Variants in ZC3H11A observed in about 807,000 individuals in gnomAD.
The protein encoded by ZC3H11A is zinc finger CCCH-type containing 11A.
In ZC3H11A, 22 loss-of-function variants were observed where a neutral mutation model predicts 90.8. The ratio of observed to expected loss-of-function variants is 0.24; its 90% CI spans 0.17 to 0.35. The LOEUF (loss-of-function observed/expected upper bound fraction) is 0.35. Among genes scored for constraint, ZC3H11A ranks in the 10% least tolerant of loss-of-function variants. ZC3H11A has a pLI of 1.00. For missense variants in ZC3H11A, 701 were observed against 964.9 expected, an observed-to-expected ratio of 0.73 and a Z score of 3.62; for synonymous variants, 294 against 339.8, an observed-to-expected ratio of 0.87 and a Z score of 1.48.
intron 15 of ZC3H11A, chr1:203,850,254 T>G (rs1688946035): frequency 3.1e-6 from 2 of 649,584 alleles, no homozygotes; most frequent in East Asian, 5.5e-5. Flanking sequence ...CTTTCTATGG[T>G]GCATCTTTCC....
At chr1:203,799,689 C>T (rs541958254) in intron 1 of ZC3H11A, 3 of 711,512 alleles carry the variant, frequency 4.2e-6, no homozygotes, top group Non-Finnish European at 7.6e-6. Flanking sequence ...ACTCCTTTCC[C>T]TGCAGAAACT....
chr1:203,830,018 GT>G, intron 7 of ZC3H11A, 104 bp from the exon 8 acceptor site: 1 of 1,310,084 alleles, frequency 7.6e-7, no homozygotes, highest in Non-Finnish European at 1.1e-6. Context: ...CCTATACTTA[GT>G]TTCTGTTGAT....
intron 9 of ZC3H11A, among the ~76,000 whole-genome samples, 185 bp downstream of exon 9, chr1:203,831,956 C>T (rs1682515330): frequency 6.6e-6 from 1 of 152,200 alleles, no homozygotes. Flanking sequence ...AATTCTTTGT[C>T]AAGCAGCCCT....
intron 2 of ZC3H11A, among the ~76,000 whole-genome samples, chr1:203,815,653 T>G (rs1676133554): frequency 6.6e-6 from 1 of 152,212 alleles, no homozygotes; most frequent in Admixed American, 6.5e-5. Context: ...GGTACATGTT[T>G]AGTACCCATG....
rs370564258 is a variant in ZC3H11A, at chr1:203,828,257, T to C, written c.175-42T>C. ...ACAAACTGCCACATGAATATACGTATCACTGTTTTATTTGAAAGCAATGTG... is the reference window on the plus strand; with the variant it reads ...ACAAACTGCCACATGAATATACGTACCACTGTTTTATTTGAAAGCAATGTG... On this transcript the variant is annotated intron_variant, in intron 4 of 17. Transcript: ENST00000367210. 4.3e-6 allele frequency: 7 copies of C among 1,612,096 alleles called. No homozygotes were observed. In the African/African-American group the frequency reaches 9.3e-5, roughly 22 times the overall value.
chr1:203,806,111 CT>C (rs1417796740), intron 2 of ZC3H11A: 1 of 499,082 alleles, frequency 2.0e-6, no homozygotes, highest in Non-Finnish European at 4.0e-6. Flanking sequence ...GTAGGACCCC[CT>C]CTCATCTTGA....
In ZC3H11A at chr1:203,826,765, T is replaced by G. The variant is rs543553104; in HGVS notation, c.175-1534T>G. Among the ~76,000 whole-genome samples the G allele has an allele frequency of 3.9e-5, 6 of 152,354 alleles. 1 individual carries two copies. In the South Asian group the frequency reaches 1.2e-3, roughly 32 times the overall value. On this transcript the variant is annotated intron_variant, in intron 4 of 17. Coordinates refer to ENST00000367210, the MANE Select transcript of ZC3H11A (RefSeq NM_001376342.1). ...TAGAGATTCGACATAATGCAGTTCA[T>G]CGGAGGTTAGTTAGTTTTTGGGAGT...
rs377447184 is a variant in ZC3H11A, at chr1:203,829,541, A to G, written c.389A>G (p.Asn130Ser). ...CAGAACAAATTGTCTGTCCAGTCCA[A>G]TCCTTCCCCTCAGCTGCGGAGCGTT... ...VQQNKLSVQS[N>S]PSPQLRSVMK... Residue 130 changes from asparagine (N) to serine (S), a missense_variant, in exon 6 of 18, where the codon AAT (asparagine) becomes AGT (serine). Transcript: ENST00000367210. 1.7e-5 allele frequency: 27 copies of G among 1,613,850 alleles called. No homozygotes were observed. The highest frequency in any genetic ancestry group is 7.7e-5 in the South Asian group (7 of 91,078).
At chr1:203,850,219 G>C in intron 15 of ZC3H11A, 193 bp downstream of exon 15, 1 of 672,120 alleles carries the variant, frequency 1.5e-6, no homozygotes, top group South Asian at 2.0e-5. Context: ...ATTTAAAATT[G>C]CTATTTAAAA....
At chr1:203,811,386 T>C (rs1674446960) in intron 2 of ZC3H11A, among the ~76,000 whole-genome samples, 1 of 152,270 alleles carries the variant, frequency 6.6e-6, no homozygotes, top group South Asian at 2.1e-4. Context: ...ATTTCATAGC[T>C]ACCATTTCAT....
chr1:203,826,368 T>C (rs1356140696), intron 4 of ZC3H11A, among the ~76,000 whole-genome samples: 2 of 148,878 alleles, frequency 1.3e-5, no homozygotes, highest in African/African-American at 2.5e-5. Flanking sequence ...TAAATAAATA[T>C]TGATTAATAA....
At chr1:203,850,458 T>C (rs1340325131) in intron 15 of ZC3H11A, 57 bp from the exon 16 acceptor site, 1 of 1,587,990 alleles carries the variant, frequency 6.3e-7, no homozygotes, top group Non-Finnish European at 8.6e-7. Context: ...TCTGAATTAT[T>C]CCCCATTTAA....
rs12075358 is a variant in ZC3H11A at position 203,836,645 on chromosome 1, A to T, written c.875-1321A>T. ...ACAAAAATCAGCCAGGCATGGTGGC[A>T]TGCGCCTGTAATTCCAGCTACTCGG... is the stretch of plus-strand genomic sequence containing the variant. On this transcript the variant is annotated intron_variant, in intron 10 of 17. Coordinates refer to ENST00000367210, the MANE Select transcript of ZC3H11A (RefSeq NM_001376342.1). 4.3e-3 allele frequency among the ~76,000 whole-genome samples: 658 copies of T among 152,306 alleles called. 7 individuals carry two copies. The highest frequency in any genetic ancestry group is 0.015 in the African/African-American group (627 of 41,564).
chr1:203,809,913 A>T (rs935271390), intron 2 of ZC3H11A, among the ~76,000 whole-genome samples: 1 of 152,132 alleles, frequency 6.6e-6, no homozygotes, highest in Admixed American at 6.6e-5. Flanking sequence ...AAGATCACGC[A>T]ACTGCACTCC....
chr1:203,821,149 G>A (rs12402315), intron 4 of ZC3H11A, among the ~76,000 whole-genome samples: 19,191 of 152,008 alleles, frequency 0.13, 1,597 homozygotes, highest in East Asian at 0.29. Flanking sequence ...TAGTGAGTGC[G>A]TTCTCGTGAG....
At chr1:203,838,471 A>G (rs1211906056) in intron 11 of ZC3H11A, among the ~76,000 whole-genome samples, 1 of 152,248 alleles carries the variant, frequency 6.6e-6, no homozygotes, top group South Asian at 2.1e-4. Context: ...TTCGAGAGCC[A>G]GAGACTGTGT....
intron 14 of ZC3H11A, 139 bp downstream of exon 14, chr1:203,848,546 T>C (rs1366852996): frequency 1.0e-5 from 7 of 673,252 alleles, no homozygotes; most frequent in Admixed American, 3.3e-5. Context: ...TAATTTCTTA[T>C]GAGAATTTCC....
In ZC3H11A at chr1:203,846,153, A is replaced by AT. The variant is rs548563871; in HGVS notation, c.1043-1024dup. Among the ~76,000 whole-genome samples, 888 of 123,548 alleles carry AT rather than the reference A, an allele frequency of 7.2e-3. 12 individuals are homozygous for AT. The highest frequency in any genetic ancestry group is 0.046 in the East Asian group (177 of 3,832). The allele number at this position is 123,548 out of a possible 152,430, so 81.1% of individuals were successfully genotyped here. On this transcript the variant is annotated intron_variant, in intron 12 of 17. Transcript: ENST00000367210. ...AAAAAAAAGATTTTGAAAAGATATA[A>AT]TTTTTTTGGGGGGGGGGTTCATTAA... is the stretch of plus-strand genomic sequence containing the variant.
At chr1:203,798,899 G>C in intron 1 of ZC3H11A, 1 of 1,536,090 alleles carries the variant, frequency 6.5e-7, no homozygotes, top group Non-Finnish European at 8.7e-7. Flanking sequence ...CTGTACCTCA[G>C]TTATATGATT....
Sources: gnomAD v4.1 joint callset for allele counts (sites outside exome capture counted in the v4.1 genomes callset) on GRCh38, gnomAD v4.1.1 for gene constraint, MANE v1.5 for transcripts, NCBI Gene and HGNC (gene_info 2026-07-23, HGNC 2026-07-21) for gene names.